CDK13: variants seen among roughly 807,000 people sequenced by gnomAD.
The protein encoded by CDK13 is cyclin-dependent kinase 13.
CDK13 carries 40 observed loss-of-function variants against 137.6 expected under a neutral mutation model. The ratio of observed to expected loss-of-function variants is 0.29; its 90% CI spans 0.23 to 0.38. The LOEUF (loss-of-function observed/expected upper bound fraction) is 0.38, where lower values mean the gene tolerates loss of function less well. Among genes scored for constraint, CDK13 ranks in the 10% least tolerant of loss-of-function variants. CDK13 has a pLI of 1.00. For missense variants in CDK13, 1,704 were observed against 1,951.8 expected (o/e 0.87, Z 2.39); for synonymous variants, 869 against 760.1 (o/e 1.14, Z -2.36).
intron 5 of CDK13, among the ~76,000 whole-genome samples, chr7:40,006,094 C>G (rs1306256339): frequency 6.6e-6 from 1 of 152,192 alleles, no homozygotes; most frequent in Non-Finnish European, 1.5e-5. Flanking sequence ...CCTCCTAACG[C>G]TTTCATCTGC....
At chr7:39,976,035 C>T (rs1469153836) in intron 1 of CDK13, among the ~76,000 whole-genome samples, 1 of 152,098 alleles carries the variant, frequency 6.6e-6, no homozygotes, top group Non-Finnish European at 1.5e-5. Context: ...AACAGGATCA[C>T]ACCTGTACTC....
chr7:40,049,619 C>A (rs1180399269), intron 7 of CDK13, among the ~76,000 whole-genome samples: 5 of 152,118 alleles, frequency 3.3e-5, no homozygotes, highest in Non-Finnish European at 7.4e-5. Flanking sequence ...AATCTACTCT[C>A]AACAATTTTC....
chr7:40,089,203 G>A (rs188828712), intron 12 of CDK13, among the ~76,000 whole-genome samples: 2 of 152,054 alleles, frequency 1.3e-5, no homozygotes, highest in East Asian at 1.9e-4. Flanking sequence ...GGGAGGCCAC[G>A]ATGGGCAGAC....
At chr7:40,006,270 T>C (rs1784794885) in intron 5 of CDK13, among the ~76,000 whole-genome samples, 1 of 152,310 alleles carries the variant, frequency 6.6e-6, no homozygotes, top group South Asian at 2.1e-4. Flanking sequence ...GGGATGCAGT[T>C]ACTTACATTA....
At chr7:40,039,177 A>G (rs1202540272) in intron 5 of CDK13, among the ~76,000 whole-genome samples, 2 of 151,282 alleles carry the variant, frequency 1.3e-5, no homozygotes, top group Non-Finnish European at 2.9e-5. Flanking sequence ...CTTTTTTCGG[A>G]TGAGCTAATT....
intron 5 of CDK13, among the ~76,000 whole-genome samples, chr7:40,009,436 T>C (rs1372201219): frequency 6.6e-6 from 1 of 152,224 alleles, no homozygotes; most frequent in African/African-American, 2.4e-5. Context: ...CTAAGAAAAG[T>C]CCTAATCAAT....
At chr7:39,969,043 C>A (rs1465362840) in intron 1 of CDK13, among the ~76,000 whole-genome samples, 1 of 151,990 alleles carries the variant, frequency 6.6e-6, no homozygotes, top group Non-Finnish European at 1.5e-5. Flanking sequence ...TGAGATGGAG[C>A]CTCGCTCTGT....
intron 3 of CDK13, 35 bp downstream of exon 3, chr7:39,997,699 C>G (rs761560828): frequency 6.6e-7 from 1 of 1,525,850 alleles, no homozygotes; most frequent in Non-Finnish European, 9.0e-7. Flanking sequence ...CTTAAATTGA[C>G]CAGCAGTGAT....
At position 39,951,661 on chromosome 7, in the gene CDK13, C is replaced by A; in HGVS notation, c.1020C>A (p.Ser340=). The change falls in exon 1 of 14, where the codon TCC becomes TCA. Residue 340 remains serine, a synonymous_variant. Transcript: ENST00000181839. ...RASQSLRSRK[S]PSPAGGGSSP... ...CTCAGAGCCTGAGGAGCCGCAAGTC[C>A]CCCAGCCCGGCAGGAGGTGGCAGCA... 6.8e-7 allele frequency: 1 copy of A among 1,477,472 alleles called. No individual in the cohort carries two copies. Among genetic ancestry groups the A allele is most frequent in the Non-Finnish European group, 8.9e-7 (1 of 1,118,936 alleles). The allele number at this position is 1,477,472 out of a possible 1,614,324, so 91.5% of individuals were successfully genotyped here.
rs1562733006 is a variant in CDK13 at position 40,021,098 on chromosome 7, CAA to C, written c.2353+19069_2353+19070del. Among the ~76,000 whole-genome samples, 328 of 28,946 alleles carry C rather than the reference CAA, an allele frequency of 0.011. 4 individuals carry two copies. The East Asian group carries it at 0.14, about 12-fold the overall frequency. The allele number at this position is 28,946 out of a possible 152,430, so 19.0% of individuals were successfully genotyped here. ...GAGCGAGATTCCATCTCAGAGCAAACAAACGTATATATATATATATATATACA... is the reference window on the plus strand; with the variant it reads ...GAGCGAGATTCCATCTCAGAGCAAACACGTATATATATATATATATATACA... On this transcript the variant is annotated intron_variant, in intron 5 of 13. Transcript: ENST00000181839.
intron 5 of CDK13, among the ~76,000 whole-genome samples, chr7:40,008,453 C>T (rs1784836611): frequency 6.6e-6 from 1 of 152,190 alleles, no homozygotes; most frequent in Non-Finnish European, 1.5e-5. Flanking sequence ...GAAGAATCAG[C>T]AAACACTGCC....
At position 40,090,556 on chromosome 7, in the gene CDK13, G is replaced by T. The variant is rs568925821; in HGVS notation, c.3235+2225G>T. Among the ~76,000 whole-genome samples the T allele has an allele frequency of 8.5e-5, 13 of 152,228 alleles. No homozygotes were observed. In the South Asian group the frequency reaches 2.7e-3, roughly 32 times the overall value. On this transcript the variant is annotated intron_variant, in intron 12 of 13. Transcript: ENST00000181839. ...TTTAATAGAGATGAGGTTTTGCCAT[G>T]TTGGCCAGGCTGGTCTCGAACTCCT...
At chr7:39,951,988 A>G in intron 1 of CDK13, 136 bp downstream of exon 1, 1 of 958,898 alleles carries the variant, frequency 1.0e-6, no homozygotes. Flanking sequence ...TGAGCCTCCC[A>G]GGAAGGATAG....
intron 5 of CDK13, among the ~76,000 whole-genome samples, chr7:40,005,102 A>G (rs1784769089): frequency 6.6e-6 from 1 of 150,914 alleles, no homozygotes; most frequent in East Asian, 2.0e-4. Context: ...TGAACCTGGG[A>G]GGTGGAGGTT....
rs559081592 is a variant in CDK13 at position 39,995,880 on chromosome 7, C to T, written c.1872-1614C>T. Among the ~76,000 whole-genome samples, 3 of 152,144 alleles carry T rather than the reference C, an allele frequency of 2.0e-5. No homozygotes were observed. The East Asian group carries it at 5.8e-4, about 29-fold the overall frequency. On this transcript the variant is annotated intron_variant, in intron 2 of 13. Transcript: ENST00000181839. The stretch of plus-strand genomic sequence containing the variant: ...AAAAAATTAGCCGGGCATGGTGGCA[C>T]GCACCTGTAGTCCCAGCTACTCAGG...
rs1327994400 is a variant in CDK13 at position 40,095,470 on chromosome 7, G to A, written c.*490G>A. On this transcript the variant is annotated 3_prime_UTR_variant, in exon 14 of 14. Coordinates refer to ENST00000181839, the MANE Select transcript of CDK13 (RefSeq NM_003718.5). ...CTGTCAGTCTTTGCACCTGCTTTCA[G>A]TGTTATTGTGAAAGGTGTACTTTGT... 2.0e-5 allele frequency: 3 copies of A among 152,324 alleles called. No homozygotes were observed. Among genetic ancestry groups the A allele is most frequent in the Admixed American group, 2.0e-4 (3 of 15,238 alleles). 9.4% of individuals were successfully genotyped at this position (152,324 alleles called of 1,614,324 possible). A position where few individuals can be genotyped will look rare whatever the true frequency, so the allele number is the denominator to read the frequency against.
At chr7:40,044,326 T>G (rs1785684927) in intron 5 of CDK13, among the ~76,000 whole-genome samples, 1 of 151,996 alleles carries the variant, frequency 6.6e-6, no homozygotes, top group Non-Finnish European at 1.5e-5. Flanking sequence ...GCTTTTTTTT[T>G]TTTCTTCTTT....
chr7:40,081,426 A>G (rs541258423), intron 11 of CDK13, among the ~76,000 whole-genome samples: 29 of 152,204 alleles, frequency 1.9e-4, no homozygotes, highest in South Asian at 6.2e-4. Context: ...GCATTTTGAT[A>G]TCCACCACCA....
At chr7:39,952,006 C>A in intron 1 of CDK13, 154 bp downstream of exon 1, 3 of 763,828 alleles carry the variant, frequency 3.9e-6, no homozygotes, top group Non-Finnish European at 5.4e-6. Context: ...TAGGCGTTTT[C>A]GCGCGCGTGA....
Sources: gnomAD v4.1 joint callset for allele counts (sites outside exome capture counted in the v4.1 genomes callset) on GRCh38, gnomAD v4.1.1 for gene constraint, MANE v1.5 for transcripts, NCBI Gene and HGNC (gene_info 2026-07-23, HGNC 2026-07-21) for gene names.